The following GABRG1 variants were observed in gnomAD, a reference collection of about 807,000 sequenced individuals.
GABRG1 encodes gamma-aminobutyric acid receptor subunit gamma-1.
In GABRG1, 49 loss-of-function variants were observed where a neutral mutation model predicts 49.8. That is an observed-to-expected ratio of 0.98 (90% confidence interval 0.78 to 1.25). The LOEUF (loss-of-function observed/expected upper bound fraction) is 1.25. Ranked by LOEUF, GABRG1 falls within the 50% of genes most tolerant of loss-of-function variation. The probability of loss-of-function intolerance (pLI) is 0.00; values close to 1 mark genes in which losing one functional copy is unlikely to be tolerated. For missense variants in GABRG1, 552 were observed against 552.3 expected (o/e 1.00, Z 0.01); for synonymous variants, 232 against 185.1 (o/e 1.25, Z -2.06).
intron 8 of GABRG1, among the ~76,000 whole-genome samples, chr4:46,044,350 AT>A (rs1203924719): frequency 1.3e-5 from 2 of 151,764 alleles, no homozygotes; most frequent in African/African-American, 4.9e-5. Flanking sequence ...GTGTAGTTGC[AT>A]GTGTTTGCAA....
At chr4:46,069,106 T>C (rs759562777) in intron 3 of GABRG1, among the ~76,000 whole-genome samples, 16 of 152,112 alleles carry the variant, frequency 1.1e-4, no homozygotes, top group South Asian at 2.1e-4. Flanking sequence ...AAGCACTGTA[T>C]CTCACATTTC....
At chr4:46,062,747 A>G (rs1184298815) in intron 5 of GABRG1, among the ~76,000 whole-genome samples, 1 of 152,204 alleles carries the variant, frequency 6.6e-6, no homozygotes, top group Non-Finnish European at 1.5e-5. Context: ...TGCAGACGAC[A>G]TCATTGTATA....
At chr4:46,065,735 T>G (rs2109409327) in intron 3 of GABRG1, 151 bp from the exon 4 acceptor site, 1 of 582,842 alleles carries the variant, frequency 1.7e-6, no homozygotes, top group Non-Finnish European at 3.0e-6. Context: ...TTTAAACTTT[T>G]TTTTTGAGAC....
In GABRG1 at chr4:46,098,909, G is replaced by A. The variant is rs1458042593; in HGVS notation, c.105-1560C>T. ...CACATTGCCCTCTATTTTGCTTTTC[G>A]TGAAAATATTTTTGTTAAGATGCTT... On this transcript the variant is annotated intron_variant, in intron 1 of 8. Transcript: ENST00000295452. Among the ~76,000 whole-genome samples the A allele has an allele frequency of 2.0e-5, 3 of 151,370 alleles. No individual in the cohort carries two copies. The South Asian group carries it at 6.2e-4, about 31-fold the overall frequency.
At chr4:46,056,151 T>TAAAAAAAAAAAAA (rs1182116080) in intron 7 of GABRG1, among the ~76,000 whole-genome samples, 13 of 9,142 alleles carry the variant, frequency 1.4e-3, no homozygotes, top group East Asian at 3.1e-3. Flanking sequence ...ATAAATAAAT[T>TAAAAAAAAAAAAA]AAAAAAAAAA....
At chr4:46,113,363 C>T (rs1460832824) in intron 1 of GABRG1, among the ~76,000 whole-genome samples, 1 of 150,846 alleles carries the variant, frequency 6.6e-6, no homozygotes, top group African/African-American at 2.4e-5. Context: ...GGGAAGAGCC[C>T]CTTATAAAAC....
At chr4:46,074,013 C>A (rs1365973319) in intron 3 of GABRG1, among the ~76,000 whole-genome samples, 1 of 152,046 alleles carries the variant, frequency 6.6e-6, no homozygotes, top group Non-Finnish European at 1.5e-5. Context: ...AGTTTATTAC[C>A]AATTAACAGC....
chr4:46,114,687 C>T (rs1207346401), intron 1 of GABRG1, among the ~76,000 whole-genome samples: 2 of 150,816 alleles, frequency 1.3e-5, no homozygotes, highest in African/African-American at 2.4e-5. Context: ...TCCTATTGTG[C>T]TATTTTCAGA....
At chr4:46,105,780 G>A (rs199957100) in intron 1 of GABRG1, among the ~76,000 whole-genome samples, 5 of 122,162 alleles carry the variant, frequency 4.1e-5, no homozygotes, top group Admixed American at 4.1e-4. Flanking sequence ...ATGGATGGAT[G>A]GGTAGATAGA....
Position 46,040,845 on chromosome 4 carries a change from A to C in GABRG1, c.*143T>G, listed in dbSNP as rs1415003018. The C allele has an allele frequency of 1.2e-6, 1 of 808,220 alleles. No individual in the cohort carries two copies. Among genetic ancestry groups the C allele is most frequent in the Non-Finnish European group, 1.9e-6 (1 of 528,474 alleles). The allele number at this position is 808,220 out of a possible 1,614,324, so 50.1% of individuals were successfully genotyped here. On this transcript the variant is annotated 3_prime_UTR_variant, in exon 9 of 9. Transcript: ENST00000295452. ...AAGCTGCTACTTTATTTACTTCTGA[A>C]GGCCTTAAAATAGTTACAATACTAT...
chr4:46,116,662 A>C (rs1196880870), intron 1 of GABRG1, among the ~76,000 whole-genome samples: 2 of 150,878 alleles, frequency 1.3e-5, no homozygotes, highest in African/African-American at 4.8e-5. Context: ...TAGACTATTC[A>C]CTTCAAAAAC....
At chr4:46,046,310 A>G (rs1236154692) in intron 8 of GABRG1, among the ~76,000 whole-genome samples, 1 of 152,128 alleles carries the variant, frequency 6.6e-6, no homozygotes, top group Non-Finnish European at 1.5e-5. Flanking sequence ...AAGGTAGAAA[A>G]AAGAGCTGTT....
chr4:46,057,503 G>T (rs1469805080), intron 7 of GABRG1, among the ~76,000 whole-genome samples: 1 of 151,872 alleles, frequency 6.6e-6, no homozygotes, highest in Non-Finnish European at 1.5e-5. Context: ...CTGATTGCAG[G>T]TTATCATTTT....
At chr4:46,096,294 A>C (rs1720160777) in intron 2 of GABRG1, among the ~76,000 whole-genome samples, 1 of 151,820 alleles carries the variant, frequency 6.6e-6, no homozygotes, top group South Asian at 2.1e-4. Flanking sequence ...GTGGGAGTTA[A>C]ATAATATCAA....
At chr4:46,077,388 G>T (rs535373386) in intron 3 of GABRG1, among the ~76,000 whole-genome samples, 1 of 151,802 alleles carries the variant, frequency 6.6e-6, no homozygotes, top group Admixed American at 6.6e-5. Flanking sequence ...GGTTAATAAA[G>T]CATTGGGTAA....
intron 2 of GABRG1, among the ~76,000 whole-genome samples, chr4:46,084,376 T>C (rs543365579): frequency 4.0e-4 from 60 of 151,772 alleles, no homozygotes; most frequent in Non-Finnish European, 6.1e-4. Context: ...GTTTTTCCTA[T>C]ATGACCGAGT....
In GABRG1 at chr4:46,051,460, A is replaced by C. The variant is rs1257287436; in HGVS notation, c.1095T>G (p.Thr365=). 1 of 1,610,350 alleles carries C rather than the reference A, an allele frequency of 6.2e-7. No homozygotes were observed. The highest frequency in any genetic ancestry group is 1.7e-5 in the Admixed American group (1 of 59,670). Residue 365 remains threonine, a synonymous_variant, in exon 8 of 9, where the codon ACT becomes ACG. Transcript: ENST00000295452. Reference sequence around the variant, plus strand: ...TTTTTAGCTTTCTGTCTTTAGTAGCAGTCTTTCCTTTTTGGTTGCTGGTAA... The same window carrying C: ...TTTTTAGCTTTCTGTCTTTAGTAGCCGTCTTTCCTTTTTGGTTGCTGGTAA... ...HYFTSNQKGK[T]ATKDRKLKNK...
At chr4:46,081,569 C>T (rs887212033) in intron 3 of GABRG1, among the ~76,000 whole-genome samples, 1 of 151,550 alleles carries the variant, frequency 6.6e-6, no homozygotes, top group African/African-American at 2.4e-5. Context: ...TAAAGGTTCA[C>T]CAGCTATAAA....
At chr4:46,072,927 C>T (rs1430127660) in intron 3 of GABRG1, among the ~76,000 whole-genome samples, 3 of 151,806 alleles carry the variant, frequency 2.0e-5, no homozygotes, top group Non-Finnish European at 4.4e-5. Flanking sequence ...AGTAAAAATA[C>T]TAATATTTGA....
Sources: gnomAD v4.1 joint callset for allele counts (sites outside exome capture counted in the v4.1 genomes callset) on GRCh38, gnomAD v4.1.1 for gene constraint, MANE v1.5 for transcripts, NCBI Gene and HGNC (gene_info 2026-07-23, HGNC 2026-07-21) for gene names.